Variants in CEP83 observed in about 807,000 individuals in gnomAD.
CEP83 encodes centrosomal protein of 83 kDa.
In CEP83, 70 loss-of-function variants were observed where a neutral mutation model predicts 101.9. That is an observed-to-expected ratio of 0.69 (90% CI 0.57 to 0.84). CEP83 has a LOEUF of 0.84. CEP83 is among the 40% of genes least tolerant of loss of function. The pLI, the probability that CEP83 is intolerant of heterozygous loss-of-function variation, is 0.00. For synonymous variants in CEP83, 264 were observed against 267.9 expected (o/e 0.99, Z 0.14); for missense variants, 715 against 787.2 (o/e 0.91, Z 1.10).
chr12:94,335,610 A>C lies in CEP83; in HGVS notation c.1398T>G (p.Asn466Lys). The C allele has an allele frequency of 3.2e-6, 5 of 1,582,756 alleles. No individual in the cohort carries two copies. The change falls in exon 12 of 17, where the codon AAT becomes AAG. Residue 466 changes from asparagine (N) to lysine (K), a missense_variant. Physicochemically the swap from Asn to Lys is moderately conservative, Grantham distance 94. Transcript: ENST00000397809. The stretch of plus-strand genomic sequence containing the variant: ...ATACCTGTTTTAGGTCAGAATTTTC[A>C]TTTTTTTCCTTCTCTGCATTTTCAA... ...VTIENAEKEKNENSDLKQQIS... is the reference protein window; with the variant it reads ...VTIENAEKEKKENSDLKQQIS...
At position 94,420,234 on chromosome 12, in the gene CEP83, T is replaced by TA. The variant is rs979118693; in HGVS notation, c.-101-7644dup. On this transcript the variant is annotated intron_variant, in intron 2 of 16. Transcript: ENST00000397809. The stretch of plus-strand genomic sequence containing the variant: ...AAAAACTAGCATTATCTACTAAGGT[T>TA]AAAAAAAAATACATATACTATGACT... Among the ~76,000 whole-genome samples the TA allele has an allele frequency of 3.1e-4, 47 of 151,132 alleles. No homozygotes were observed. In the East Asian group the frequency reaches 7.4e-3, roughly 24 times the overall value.
the CEP83 span, among the ~76,000 whole-genome samples, chr12:94,289,710 A>G: frequency 1.3e-5 from 2 of 152,204 alleles, no homozygotes; most frequent in African/African-American, 4.8e-5. Flanking sequence ...TGCTAAAAAG[A>G]AAACGGAAAC....
intron 7 of CEP83, among the ~76,000 whole-genome samples, chr12:94,376,741 A>G (rs866905568): frequency 9.3e-6 from 1 of 107,336 alleles, no homozygotes; most frequent in Non-Finnish European, 2.0e-5. Context: ...ACATATATAT[A>G]TATATATTTT....
At chr12:94,270,335 T>A in the CEP83 span, among the ~76,000 whole-genome samples, 1 of 152,238 alleles carries the variant, frequency 6.6e-6, no homozygotes. Context: ...CCTGCTACAG[T>A]GCAGAGTGGA....
upstream of CEP83, chr12:94,460,204 G>A (rs1214817378): frequency 6.6e-6 from 1 of 152,420 alleles, no homozygotes; most frequent in Non-Finnish European, 1.5e-5. Flanking sequence ...ACTTGCCTTG[G>A]AGTCTGAGTG....
chr12:94,424,869 G>A, intron 2 of CEP83: 1 of 1,601,604 alleles, frequency 6.2e-7, no homozygotes, highest in Non-Finnish European at 8.6e-7. Context: ...CTTGGGCTAG[G>A]TGGTGCCATC....
intron 11 of CEP83, among the ~76,000 whole-genome samples, chr12:94,353,051 C>G (rs1245980983): frequency 6.6e-6 from 1 of 151,990 alleles, no homozygotes; most frequent in Non-Finnish European, 1.5e-5. Flanking sequence ...ATACTATACT[C>G]AAACATCAAA....
intron 1 of CEP83, among the ~76,000 whole-genome samples, chr12:94,441,757 T>C (rs1044682433): frequency 2.0e-5 from 3 of 151,460 alleles, no homozygotes; most frequent in Non-Finnish European, 4.4e-5. Context: ...CTACTAAAAA[T>C]ACAAAAAATT....
rs150469192 is a variant in CEP83, at chr12:94,327,520, T to C, written c.1707+4180A>G. On this transcript the variant is annotated intron_variant, in intron 14 of 16. Transcript: ENST00000397809. ...ACATTCTATTATTTCTAGTTACCTA[T>C]ATAATATCTTTACTTAAGAGTCTAC... Among the ~76,000 whole-genome samples the C allele has an allele frequency of 5.3e-4, 81 of 152,354 alleles. No individual in the cohort carries two copies. In the East Asian group the frequency reaches 0.013, roughly 24 times the overall value.
the CEP83 span, among the ~76,000 whole-genome samples, chr12:94,273,839 G>GC: frequency 6.6e-6 from 1 of 152,148 alleles, no homozygotes; most frequent in African/African-American, 2.4e-5. Flanking sequence ...AACTAAGGAT[G>GC]CCTGAAATAG....
At chr12:94,342,231 C>T (rs1423788435) in intron 11 of CEP83, among the ~76,000 whole-genome samples, 2 of 152,178 alleles carry the variant, frequency 1.3e-5, no homozygotes, top group East Asian at 3.8e-4. Flanking sequence ...AAAACATAGC[C>T]TACCACTTAA....
At chr12:94,266,209 G>T in the CEP83 span, among the ~76,000 whole-genome samples, 1 of 152,194 alleles carries the variant, frequency 6.6e-6, no homozygotes, top group Admixed American at 6.5e-5. Context: ...GCCGTGGAGC[G>T]TGTTATGGTT....
At chr12:94,434,941 G>T (rs191094504) in intron 2 of CEP83, among the ~76,000 whole-genome samples, 80 of 152,276 alleles carry the variant, frequency 5.3e-4, no homozygotes, top group African/African-American at 1.9e-3. Flanking sequence ...GAGCATTCTG[G>T]ATTATGGGAT....
chr12:94,378,978 T>C lies in CEP83; in HGVS notation c.614A>G (p.Lys205Arg), dbSNP rs1566032936. 4 of 1,613,840 alleles carry C rather than the reference T, an allele frequency of 2.5e-6. No homozygotes were observed. The highest frequency in any genetic ancestry group is 1.7e-5 in the Admixed American group (1 of 59,958). Residue 205 changes from lysine to arginine, a missense_variant, in exon 7 of 17, where the codon AAA (lysine) becomes AGA (arginine). Transcript: ENST00000397809. ...RNQLLNVDLT[K>R]DSKRVEQLAR... ...AAGTTGTTCCACTCGTTTGCTGTCT[T>C]TTGTGAGATCAACATTAAGCAGCTG...
chr12:94,361,430 T>TA (rs1421265398), intron 11 of CEP83: 2 of 152,084 alleles, frequency 1.3e-5, no homozygotes, highest in Non-Finnish European at 1.5e-5. Flanking sequence ...AGGTCAGAAA[T>TA]AGAGTGGGTC....
At chr12:94,421,127 A>G (rs901418704) in intron 2 of CEP83, among the ~76,000 whole-genome samples, 2 of 152,050 alleles carry the variant, frequency 1.3e-5, no homozygotes, top group Non-Finnish European at 2.9e-5. Flanking sequence ...TGCACCATCA[A>G]TCTCCCAAGC....
In CEP83 at chr12:94,308,582, C is replaced by A. The variant is rs1969333335; in HGVS notation, c.*231G>T. 6.7e-6 allele frequency: 2 copies of A among 297,646 alleles called. No homozygotes were observed. Among genetic ancestry groups the A allele is most frequent in the Non-Finnish European group, 1.2e-5 (2 of 160,964 alleles). The allele number at this position is 297,646 out of a possible 1,614,324, so 18.4% of individuals were successfully genotyped here. On this transcript the variant is annotated 3_prime_UTR_variant, in exon 17 of 17. Transcript: ENST00000397809. ...TTCCTTTTTGTTTTACATTCTCAAA[C>A]CATTGTCAAATATTCTAAATATCTC...
chr12:94,411,192 CTAAAGAAACTG>C (rs1347362708), intron 4 of CEP83, among the ~76,000 whole-genome samples: 10 of 152,106 alleles, frequency 6.6e-5, no homozygotes, highest in Non-Finnish European at 1.5e-4. Flanking sequence ...TGAAAATGAT[CTAAAGAAACTG>C]TACTTCAGCA....
At chr12:94,278,131 T>C in the CEP83 span, 6 of 402,816 alleles carry the variant, frequency 1.5e-5, no homozygotes, top group Non-Finnish European at 2.9e-5. Context: ...TGTTAGACTC[T>C]CCGCTCCTTA....
Sources: gnomAD v4.1 joint callset for allele counts (sites outside exome capture counted in the v4.1 genomes callset) on GRCh38, gnomAD v4.1.1 for gene constraint, MANE v1.5 for transcripts, NCBI Gene and HGNC (gene_info 2026-07-23, HGNC 2026-07-21) for gene names.